The following ATP6V0D2 variants were observed in gnomAD, a reference collection of about 807,000 sequenced individuals.
The protein encoded by ATP6V0D2 is ATPase H+ transporting V0 subunit d2.
Under a neutral mutation model 40.0 loss-of-function variants are expected in ATP6V0D2, and 40 were observed. The observed-to-expected ratio is 1.00, with a 90% CI of 0.78 to 1.30. The LOEUF is 1.30. Ranked by LOEUF, ATP6V0D2 falls within the 50% of genes most tolerant of loss-of-function variation. The pLI is 0.00. For missense variants in ATP6V0D2, 470 were observed against 423.1 expected, an observed-to-expected ratio of 1.11 and a Z score of -0.97; for synonymous variants, 179 against 156.3, an observed-to-expected ratio of 1.15 and a Z score of -1.08.
chr8:86,121,805 A>T (rs1388976500), intron 2 of ATP6V0D2, among the ~76,000 whole-genome samples: 1 of 152,206 alleles, frequency 6.6e-6, no homozygotes, highest in Non-Finnish European at 1.5e-5. Context: ...TTCCTGTCCT[A>T]TTAGAAAATG....
intron 7 of ATP6V0D2, among the ~76,000 whole-genome samples, chr8:86,152,101 T>C (rs1819163209): frequency 6.6e-6 from 1 of 151,718 alleles, no homozygotes; most frequent in Admixed American, 6.6e-5. Context: ...GGCCCCAGTG[T>C]GTGATGTTCC....
intron 5 of ATP6V0D2, among the ~76,000 whole-genome samples, chr8:86,144,560 C>A (rs1039529809): frequency 2.0e-5 from 3 of 152,172 alleles, no homozygotes; most frequent in Admixed American, 1.3e-4. Context: ...CTCAAAACAT[C>A]TAATCATTAA....
chr8:86,099,586 C>T (rs1323870757), intron 1 of ATP6V0D2, among the ~76,000 whole-genome samples: 3 of 152,124 alleles, frequency 2.0e-5, no homozygotes, highest in African/African-American at 7.2e-5. Context: ...CTCCGCCTCC[C>T]GGGTTCAAGC....
rs149665160 is a variant in ATP6V0D2 at position 86,142,922 on chromosome 8, G to A, written c.607G>A (p.Val203Ile). ...FYKFCKNHGDVTAEVMCPILE... is the reference protein window; with the variant it reads ...FYKFCKNHGDITAEVMCPILE... ...TAAATTCTGTAAGAATCATGGTGAT[G>A]TCACAGCAGAAGTTATGTGTCCCAT... Residue 203 changes from valine to isoleucine, a missense_variant, in exon 5 of 8, where the codon GTC (valine) becomes ATC (isoleucine). Transcript: ENST00000285393. 1,780 of 1,610,760 alleles carry A rather than the reference G, an allele frequency of 1.1e-3. 14 individuals are homozygous for A. The African/African-American group carries it at 0.02, about 18-fold the overall frequency.
chr8:86,105,748 G>A, intron 1 of ATP6V0D2, among the ~76,000 whole-genome samples: 1 of 151,008 alleles, frequency 6.6e-6, no homozygotes, highest in South Asian at 2.1e-4. Flanking sequence ...CCGAGTAGCT[G>A]GGACTACAGG....
chr8:86,109,840 A>C (rs1427501617), intron 1 of ATP6V0D2, among the ~76,000 whole-genome samples: 1 of 152,178 alleles, frequency 6.6e-6, no homozygotes, highest in African/African-American at 2.4e-5. Context: ...TACTCCAGAC[A>C]CTGAGGAAGA....
At chr8:86,107,044 A>AAG (rs397797020) in intron 1 of ATP6V0D2, among the ~76,000 whole-genome samples, 1 of 151,454 alleles carries the variant, frequency 6.6e-6, no homozygotes. Context: ...TAAAAAAAAA[A>AAG]TGACACCATT....
At chr8:86,114,550 G>A (rs1010120395) in intron 2 of ATP6V0D2, among the ~76,000 whole-genome samples, 2 of 152,164 alleles carry the variant, frequency 1.3e-5, no homozygotes. Context: ...CTCCCCTGTA[G>A]TCCCAGCTAC....
chr8:86,146,094 G>C (rs1309936814), intron 5 of ATP6V0D2, among the ~76,000 whole-genome samples: 5 of 152,156 alleles, frequency 3.3e-5, no homozygotes, highest in Non-Finnish European at 4.4e-5. Context: ...TAGTGCCTCT[G>C]CATTAAATTC....
intron 2 of ATP6V0D2, among the ~76,000 whole-genome samples, chr8:86,118,088 T>TC (rs1818618936): frequency 2.1e-5 from 3 of 142,434 alleles, no homozygotes; most frequent in African/African-American, 7.7e-5. Context: ...TTTCTTTCTT[T>TC]TTTTTTTTTT....
Position 86,140,329 on chromosome 8 carries a change from C to CA in ATP6V0D2, c.481+704dup, listed in dbSNP as rs142770680. On this transcript the variant is annotated intron_variant, in intron 3 of 7. Coordinates refer to ENST00000285393, the MANE Select transcript of ATP6V0D2 (RefSeq NM_152565.1). ...TGTTTAAGATAGATATTTTAAAAAG[C>CA]AAAAAAAAAATATTTGTGTCATCAT... Among the ~76,000 whole-genome samples the CA allele has an allele frequency of 2.8e-3, 408 of 146,992 alleles. 2 individuals carry two copies. The highest frequency in any genetic ancestry group is 0.01 in the Middle Eastern group (3 of 288).
intron 2 of ATP6V0D2, among the ~76,000 whole-genome samples, chr8:86,128,344 C>T (rs1357234948): frequency 6.7e-6 from 1 of 149,676 alleles, no homozygotes; most frequent in Non-Finnish European, 1.5e-5. Flanking sequence ...AGTGAAACTC[C>T]ATCTCAAAAT....
At position 86,153,234 on chromosome 8, in the gene ATP6V0D2, T is replaced by C; in HGVS notation, c.*257T>C. The C allele has an allele frequency of 4.0e-6, 1 of 251,088 alleles. No individual in the cohort carries two copies. Among genetic ancestry groups the C allele is most frequent in the East Asian group, 7.4e-5 (1 of 13,602 alleles). 15.6% of individuals were successfully genotyped at this position (251,088 alleles called of 1,614,324 possible). On this transcript the variant is annotated 3_prime_UTR_variant, in exon 8 of 8. Coordinates refer to ENST00000285393, the MANE Select transcript of ATP6V0D2 (RefSeq NM_152565.1). ...CTTACAGGTTAGTTTTAATTAACTC[T>C]ATGGTATTTTTCTTATTCTTGTTTG...
At chr8:86,140,253 G>C (rs1014762655) in intron 3 of ATP6V0D2, among the ~76,000 whole-genome samples, 3 of 152,118 alleles carry the variant, frequency 2.0e-5, no homozygotes, top group Admixed American at 2.0e-4. Context: ...AATATTGTCA[G>C]GAAATCTGGA....
intron 2 of ATP6V0D2, among the ~76,000 whole-genome samples, chr8:86,137,044 C>T (rs991873464): frequency 1.8e-5 from 2 of 109,722 alleles, no homozygotes; most frequent in African/African-American, 3.7e-5. Context: ...GTCCTTGGCC[C>T]CTGTATCTCC....
chr8:86,121,900 G>A (rs10102252), intron 2 of ATP6V0D2, among the ~76,000 whole-genome samples: 65,647 of 152,046 alleles, frequency 0.43, 16,648 homozygotes, highest in Non-Finnish European at 0.56. Context: ...ACAATCTTAA[G>A]CATTGCACAT....
At chr8:86,142,825 CA>C in intron 4 of ATP6V0D2, 51 bp from the exon 5 acceptor site, 1 of 1,200,502 alleles carries the variant, frequency 8.3e-7, no homozygotes, top group Non-Finnish European at 1.2e-6. Flanking sequence ...TAGACATTTT[CA>C]AAAGGAATAT....
intron 3 of ATP6V0D2, among the ~76,000 whole-genome samples, chr8:86,141,241 G>A (rs1477614784): frequency 6.6e-6 from 1 of 152,150 alleles, no homozygotes; most frequent in Non-Finnish European, 1.5e-5. Context: ...GGGGACCCCT[G>A]GTTTAGGGCT....
At chr8:86,150,785 C>T (rs1048455579) in intron 6 of ATP6V0D2, among the ~76,000 whole-genome samples, 4 of 152,118 alleles carry the variant, frequency 2.6e-5, no homozygotes, top group African/African-American at 7.2e-5. Context: ...TGCTTGTGTC[C>T]TTCCCCCACT....
Sources: allele counts gnomAD v4.1 joint callset (sites outside exome capture counted in the v4.1 genomes callset), GRCh38; gene constraint gnomAD v4.1.1; transcripts MANE v1.5; gene names NCBI Gene and HGNC (gene_info 2026-07-23, HGNC 2026-07-21).